SERPINA10: variants seen among roughly 807,000 people sequenced by gnomAD.
SERPINA10 encodes protein Z-dependent protease inhibitor.
A neutral mutation model predicts 28.0 loss-of-function variants in SERPINA10; 24 were observed. The ratio of observed to expected loss-of-function variants is 0.86; its 90% CI spans 0.62 to 1.20. SERPINA10 has a LOEUF of 1.20. Among genes scored for constraint, SERPINA10 ranks in the 50% most tolerant of loss-of-function variants. SERPINA10 has a pLI of 0.00. For synonymous variants in SERPINA10, 207 were observed against 203.9 expected, an observed-to-expected ratio of 1.02 and a Z score of -0.13; for missense variants, 521 against 537.7, an observed-to-expected ratio of 0.97 and a Z score of 0.31.
rs779768214 is a variant in SERPINA10 at position 94,288,572 on chromosome 14, GAGA to G, written c.719-16_719-14del. ...GTCAACCATTTCCCTGAACAAGTAA[GAGA>G]AGAACTCATTGCAGAAATTCCCTCT... On this transcript the variant is annotated splice_polypyrimidine_tract_variant and intron_variant, in intron 2 of 4. Transcript: ENST00000261994. 24 of 1,614,184 alleles carry G rather than the reference GAGA, an allele frequency of 1.5e-5. No individual in the cohort carries two copies. Among genetic ancestry groups the G allele is most frequent in the Admixed American group, 5.0e-5 (3 of 60,018 alleles).
rs571329353 is a variant in SERPINA10, at chr14:94,292,596, T to G, written c.-51+593A>C. 2.8e-4 allele frequency: 198 copies of G among 701,636 alleles called. 1 individual carries two copies. The highest frequency in any genetic ancestry group is 2.6e-3 in the South Asian group (173 of 67,528). 43.5% of individuals were successfully genotyped at this position (701,636 alleles called of 1,614,324 possible). A position where few individuals can be genotyped will look rare whatever the true frequency, so the allele number is the denominator to read the frequency against. Reference sequence around the variant, plus strand: ...CCAACTAGATGTCACCACCTCCAAATGCTGAGTCTTACCTTCCTGTTCTTG... The same window carrying G: ...CCAACTAGATGTCACCACCTCCAAAGGCTGAGTCTTACCTTCCTGTTCTTG... On this transcript the variant is annotated intron_variant, in intron 1 of 4. Transcript: ENST00000261994.
intron 4 of SERPINA10, 124 bp from the exon 5 acceptor site, chr14:94,284,280 G>A: frequency 3.4e-6 from 3 of 869,812 alleles, no homozygotes; most frequent in Non-Finnish European, 5.6e-6. Flanking sequence ...ATTTAGTGGA[G>A]CAGGCCCATC....
Position 94,284,063 on chromosome 14 carries a change from C to G in SERPINA10, c.1237G>C (p.Val413Leu). 6.2e-7 allele frequency: 1 copy of G among 1,614,212 alleles called. No individual in the cohort carries two copies. ...TGAAATGGCCGGTCCACTTTGATGACAGGAGGCATGGAATAAGCAGTAATT... is the reference window on the plus strand; with the variant it reads ...TGAAATGGCCGGTCCACTTTGATGAGAGGAGGCATGGAATAAGCAGTAATT... Reference protein sequence around the residue: ...SEITAYSMPPVIKVDRPFHFM... With the variant: ...SEITAYSMPPLIKVDRPFHFM... The change falls in exon 5 of 5, where the codon GTC (valine) becomes CTC (leucine). Residue 413 changes from valine to leucine, a missense_variant. Transcript: ENST00000261994.
intron 1 of SERPINA10, among the ~76,000 whole-genome samples, chr14:94,291,556 C>G (rs1895179673): frequency 2.0e-5 from 3 of 152,260 alleles, no homozygotes; most frequent in African/African-American, 4.8e-5. Flanking sequence ...TTCAGCCACA[C>G]TGCAGGCCTG....
intron 1 of SERPINA10, among the ~76,000 whole-genome samples, chr14:94,291,124 C>T (rs1214348921): frequency 2.0e-5 from 3 of 152,190 alleles, no homozygotes; most frequent in Non-Finnish European, 2.9e-5. Flanking sequence ...CCTGCATGCC[C>T]GTTAGGCAAG....
At position 94,283,868 on chromosome 14, in the gene SERPINA10, A is replaced by G; in HGVS notation, c.*97T>C. ...CCTAAACTAGTTAAGAACAAAAGGA[A>G]CACTCTCCCCTGCCATCCATTGCTG... On this transcript the variant is annotated 3_prime_UTR_variant, in exon 5 of 5. Coordinates refer to ENST00000261994, the MANE Select transcript of SERPINA10 (RefSeq NM_001100607.3). 1 of 1,230,544 alleles carries G rather than the reference A, an allele frequency of 8.1e-7. No homozygotes were observed. The highest frequency in any genetic ancestry group is 1.2e-5 in the South Asian group (1 of 82,716). 76.2% of individuals were successfully genotyped at this position (1,230,544 alleles called of 1,614,324 possible). A position where few individuals can be genotyped will look rare whatever the true frequency, so the allele number is the denominator to read the frequency against.
chr14:94,291,956 C>T (rs1395917582), intron 1 of SERPINA10, among the ~76,000 whole-genome samples: 1 of 152,236 alleles, frequency 6.6e-6, no homozygotes, highest in Non-Finnish European at 1.5e-5. Flanking sequence ...CAGTGAAATA[C>T]TTCCACTGTG....
chr14:94,291,507 G>T (rs764556517), intron 1 of SERPINA10, among the ~76,000 whole-genome samples: 6 of 152,220 alleles, frequency 3.9e-5, no homozygotes, highest in Non-Finnish European at 8.8e-5. Flanking sequence ...CTTGGGACTG[G>T]CCTGGGCCAC....
chr14:94,289,728 C>A, intron 2 of SERPINA10, 148 bp downstream of exon 2: 1 of 884,566 alleles, frequency 1.1e-6, no homozygotes, highest in Non-Finnish European at 1.8e-6. Flanking sequence ...TGGCACTGTT[C>A]AATATGTGTA....
At chr14:94,284,936 G>A (rs1023360675) in intron 4 of SERPINA10, among the ~76,000 whole-genome samples, 2 of 152,094 alleles carry the variant, frequency 1.3e-5, no homozygotes, top group Non-Finnish European at 2.9e-5. Flanking sequence ...AAGCAGCAGC[G>A]CATTTCAGTT....
intron 4 of SERPINA10, among the ~76,000 whole-genome samples, chr14:94,285,528 T>C (rs1426532740): frequency 6.6e-6 from 1 of 151,044 alleles, no homozygotes; most frequent in Non-Finnish European, 1.5e-5. Flanking sequence ...CACACACACA[T>C]ATACACACAT....
intron 2 of SERPINA10, 147 bp downstream of exon 2, chr14:94,289,729 A>C: frequency 1.1e-6 from 1 of 889,150 alleles, no homozygotes; most frequent in Non-Finnish European, 1.8e-6. Flanking sequence ...GGCACTGTTC[A>C]ATATGTGTAT....
chr14:94,283,999 A>G lies in SERPINA10; in HGVS notation c.1301T>C (p.Phe434Ser). 6.2e-7 allele frequency: 1 copy of G among 1,614,082 alleles called. No homozygotes were observed. The highest frequency in any genetic ancestry group is 1.1e-5 in the South Asian group (1 of 91,072). The change falls in exon 5 of 5, where the codon TTT (phenylalanine) becomes TCT (serine). Residue 434 changes from phenylalanine to serine, a missense_variant. By Grantham distance (155) the Phe-to-Ser change is radical (BLOSUM62 -2). Transcript: ENST00000261994. ...IYEETSGMLL[F>S]LGRVVNPTLL ...AGTCGGATTCACCACCCTGCCCAGA[A>G]ACAGAAGCATTCCAGAGGTTTCTTC...
Position 94,290,108 on chromosome 14 carries a change from CT to C in SERPINA10, c.485del (p.Gln162ArgfsTer32). On this transcript the variant is annotated frameshift_variant, in exon 2 of 5. Coordinates refer to ENST00000261994, the MANE Select transcript of SERPINA10 (RefSeq NM_001100607.3). LOFTEE classifies it high-confidence loss of function. Reference sequence around the variant, plus strand: ...CCTTGTGGATGAAGGCAAAACTCCCCTGTGTGAGGCCCAGTTCCAGGTTGCG... The same window carrying C: ...CCTTGTGGATGAAGGCAAAACTCCCCGTGTGAGGCCCAGTTCCAGGTTGCG... ...LSRNLELGLTQGSFAFIHKDF... is the reference protein window; with the variant it reads ...LSRNLELGLTXGSFAFIHKDF... 6.2e-7 allele frequency: 1 copy of C among 1,614,188 alleles called. No homozygotes were observed. Among genetic ancestry groups the C allele is most frequent in the East Asian group, 2.2e-5 (1 of 44,876 alleles).
At chr14:94,289,104 C>T (rs6575411) in intron 2 of SERPINA10, among the ~76,000 whole-genome samples, 35,700 of 152,136 alleles carry the variant, frequency 0.23, 5,064 homozygotes, top group East Asian at 0.59. Context: ...TCTACATAAA[C>T]GTCTGCCCTG....
intron 2 of SERPINA10, 54 bp downstream of exon 2, chr14:94,289,822 A>G: frequency 1.3e-6 from 2 of 1,583,020 alleles, no homozygotes; most frequent in Middle Eastern, 1.7e-4. Flanking sequence ...AAGGAAAGGG[A>G]GAGACAATCG....
At chr14:94,292,745 C>T (rs55675764) in intron 1 of SERPINA10, 11,173 of 697,204 alleles carry the variant, frequency 0.016, 322 homozygotes, top group African/African-American at 0.09. Flanking sequence ...AGGCCAGGAG[C>T]TCAGGGGGTG....
In SERPINA10 at chr14:94,292,104, G is replaced by A. The variant is rs78609253; in HGVS notation, c.-51+1085C>T. ...CGCAGCCCAGTTTCACGCTTTTATTGTTATGGACTGAATGTGTCCCCTGAG... is the reference window on the plus strand; with the variant it reads ...CGCAGCCCAGTTTCACGCTTTTATTATTATGGACTGAATGTGTCCCCTGAG... On this transcript the variant is annotated intron_variant, in intron 1 of 4. Transcript: ENST00000261994. Among the ~76,000 whole-genome samples, 962 of 152,294 alleles carry A rather than the reference G, an allele frequency of 6.3e-3. 10 individuals are homozygous for A. The highest frequency in any genetic ancestry group is 0.021 in the African/African-American group (859 of 41,562).
intron 2 of SERPINA10, 140 bp from the exon 3 acceptor site, chr14:94,288,699 T>A (rs981092676): frequency 7.4e-6 from 9 of 1,212,530 alleles, no homozygotes; most frequent in Non-Finnish European, 1.1e-5. Flanking sequence ...AGGCGTTCCC[T>A]AATTGGGTTG....
Sources: allele counts gnomAD v4.1 joint callset (sites outside exome capture counted in the v4.1 genomes callset), GRCh38; gene constraint gnomAD v4.1.1; transcripts MANE v1.5; gene names NCBI Gene and HGNC (gene_info 2026-07-23, HGNC 2026-07-21).